Variants in CHN2 observed in about 807,000 individuals in gnomAD.
CHN2 encodes the protein chimerin 2.
A neutral mutation model predicts 56.3 loss-of-function variants in CHN2; 35 were observed. The ratio of observed to expected loss-of-function variants is 0.62; its 90% CI spans 0.47 to 0.82. The LOEUF (loss-of-function observed/expected upper bound fraction) is 0.82. Among genes scored for constraint, CHN2 ranks in the 40% least tolerant of loss-of-function variants. CHN2 has a pLI of 0.00. For synonymous variants in CHN2, 210 were observed against 212.8 expected (o/e 0.99, Z 0.12); for missense variants, 491 against 580.5 (o/e 0.85, Z 1.58).
In CHN2 at chr7:29,277,135, G is replaced by T. The variant is rs1247959699; in HGVS notation, c.50-77490G>T. ...GGTCACTCACTTTGAACAAGACCCG[G>T]TCCTGTGTCTGTGAAATGCAGGGAC... On this transcript the variant is annotated intron_variant, in intron 1 of 12. Coordinates refer to ENST00000222792, the MANE Select transcript of CHN2 (RefSeq NM_004067.4). Among the ~76,000 whole-genome samples the T allele has an allele frequency of 2.6e-5, 4 of 152,242 alleles. No individual in the cohort carries two copies. The East Asian group carries it at 7.7e-4, about 29-fold the overall frequency.
At chr7:29,402,853 C>T (rs1802327038) in intron 6 of CHN2, among the ~76,000 whole-genome samples, 2 of 152,138 alleles carry the variant, frequency 1.3e-5, no homozygotes, top group South Asian at 4.1e-4. Flanking sequence ...TCAAAATATG[C>T]CCCCTTGTGC....
intron 3 of CHN2, among the ~76,000 whole-genome samples, chr7:29,368,750 G>A (rs1366609980): frequency 2.0e-5 from 3 of 152,066 alleles, no homozygotes; most frequent in Non-Finnish European, 4.4e-5. Context: ...TTTTGGATCT[G>A]GTTTTGAACC....
chr7:29,479,889 G>C, intron 6 of CHN2: 1 of 1,407,246 alleles, frequency 7.1e-7, no homozygotes, highest in Non-Finnish European at 9.2e-7. Context: ...GGCGCACGTC[G>C]GCCTTAAGAA....
intron 4 of CHN2, 89 bp downstream of exon 4, chr7:29,393,799 T>C (rs1412731534): frequency 2.2e-6 from 1 of 451,510 alleles, no homozygotes; most frequent in Non-Finnish European, 3.6e-6. Context: ...TAATATATGG[T>C]CATCATCATA....
chr7:29,297,602 A>G (rs904928863), intron 1 of CHN2, among the ~76,000 whole-genome samples: 2 of 152,168 alleles, frequency 1.3e-5, no homozygotes, highest in Non-Finnish European at 2.9e-5. Flanking sequence ...GGACAGCTCA[A>G]AAATCCCGAG....
At chr7:29,176,046 C>T (rs1463408871) in intron 2 of CHN2, among the ~76,000 whole-genome samples, 1 of 151,888 alleles carries the variant, frequency 6.6e-6, no homozygotes, top group African/African-American at 2.4e-5. Context: ...ATTAGCCAGG[C>T]GTGGTGGTGG....
intron 1 of CHN2, among the ~76,000 whole-genome samples, chr7:29,202,395 A>G (rs976704686): frequency 7.9e-5 from 12 of 152,268 alleles, no homozygotes; most frequent in African/African-American, 2.9e-4. Context: ...CATGCAAATA[A>G]GATGCAGGAA....
intron 1 of CHN2, among the ~76,000 whole-genome samples, chr7:29,223,505 A>T (rs1429108674): frequency 3.3e-5 from 5 of 152,144 alleles, no homozygotes. Flanking sequence ...TATGCATGGA[A>T]TCATATAAGA....
intron 1 of CHN2, chr7:29,199,424 A>G (rs987476937): frequency 2.0e-5 from 3 of 152,220 alleles, no homozygotes; most frequent in African/African-American, 4.8e-5. Context: ...TGTCTAAAAA[A>G]TTGCTTTGCG....
At chr7:29,324,957 T>G (rs1049070379) in intron 1 of CHN2, among the ~76,000 whole-genome samples, 1 of 152,210 alleles carries the variant, frequency 6.6e-6, no homozygotes, top group South Asian at 2.1e-4. Flanking sequence ...ATCATCAAGT[T>G]ATTGAGCTAC....
rs1420026901 is a variant in CHN2 at position 29,278,544 on chromosome 7, A to G, written c.50-76081A>G. 2.6e-5 allele frequency among the ~76,000 whole-genome samples: 4 copies of G among 151,868 alleles called. No individual in the cohort carries two copies. The East Asian group carries it at 7.7e-4, about 29-fold the overall frequency. ...GTCAGGCAGCTCATTAGTAGGTTCT[A>G]TCCCATTGCCAGTGAGATTAGAATT... On this transcript the variant is annotated intron_variant, in intron 1 of 12. Coordinates refer to ENST00000222792, the MANE Select transcript of CHN2 (RefSeq NM_004067.4).
intron 3 of CHN2, among the ~76,000 whole-genome samples, chr7:29,369,574 A>G (rs540113856): frequency 1.4e-4 from 21 of 152,308 alleles, no homozygotes; most frequent in African/African-American, 5.1e-4. Context: ...CTGTATATGT[A>G]TGTGCGTGTG....
intron 4 of CHN2, chr7:29,396,836 C>G (rs1482776759): frequency 6.6e-6 from 1 of 152,530 alleles, no homozygotes; most frequent in Non-Finnish European, 1.5e-5. Flanking sequence ...ACAGGAGGCT[C>G]CTCCGCAAAG....
intron 1 of CHN2, chr7:29,289,112 T>A (rs149921977): frequency 6.6e-6 from 1 of 152,204 alleles, no homozygotes; most frequent in Non-Finnish European, 1.5e-5. Flanking sequence ...AACGCATTTG[T>A]TTTTGAGAAA....
At chr7:29,256,287 A>G (rs566968581) in intron 1 of CHN2, among the ~76,000 whole-genome samples, 1 of 152,364 alleles carries the variant, frequency 6.6e-6, no homozygotes, top group Non-Finnish European at 1.5e-5. Flanking sequence ...GAATCACTGA[A>G]TCATGTGACA....
chr7:29,217,852 A>G (rs1237269323), intron 1 of CHN2, among the ~76,000 whole-genome samples: 2 of 152,172 alleles, frequency 1.3e-5, no homozygotes, highest in African/African-American at 4.8e-5. Flanking sequence ...AATGTGAACT[A>G]ATGCTTATGC....
At chr7:29,298,427 G>A (rs921407088) in intron 1 of CHN2, among the ~76,000 whole-genome samples, 2 of 152,142 alleles carry the variant, frequency 1.3e-5, no homozygotes, top group Non-Finnish European at 2.9e-5. Flanking sequence ...CTTATAAGCC[G>A]AATGCTAAGG....
intron 7 of CHN2, among the ~76,000 whole-genome samples, chr7:29,495,535 G>C (rs1359357316): frequency 6.6e-6 from 1 of 152,162 alleles, no homozygotes; most frequent in East Asian, 1.9e-4. Context: ...ATTTATACCT[G>C]CCTGGATAGT....
intron 1 of CHN2, among the ~76,000 whole-genome samples, chr7:29,225,551 A>G (rs1017504279): frequency 4.6e-5 from 7 of 152,244 alleles, no homozygotes; most frequent in African/African-American, 1.7e-4. Context: ...TTATCTCCAA[A>G]TATTTGTTTT....
Sources: allele counts gnomAD v4.1 joint callset (sites outside exome capture counted in the v4.1 genomes callset), GRCh38; gene constraint gnomAD v4.1.1; transcripts MANE v1.5; gene names NCBI Gene and HGNC (gene_info 2026-07-23, HGNC 2026-07-21).